The following DLG2 variants were observed in gnomAD, a reference collection of about 807,000 sequenced individuals.
DLG2 encodes discs large MAGUK scaffold protein 2.
DLG2 carries 45 observed loss-of-function variants against 132.5 expected under a neutral mutation model. That is an observed-to-expected ratio of 0.34 (90% confidence interval 0.27 to 0.44). The LOEUF is 0.44. Ranked by LOEUF, DLG2 falls within the 20% of genes least tolerant of loss-of-function variation. DLG2 has a pLI of 1.00. For synonymous variants in DLG2, 424 were observed against 419.6 expected (o/e 1.01, Z -0.13); for missense variants, 1,045 against 1,196.9 (o/e 0.87, Z 1.87).
rs938181691 is a variant in DLG2, at chr11:85,344,830, G to GT, written c.41-59466dup. On this transcript the variant is annotated intron_variant, in intron 3 of 27. Transcript: ENST00000376104. ...TGTTTTTCAATTCCTGCTTACTCTTGTTTTTTTTCAAACTTCATTACTTCA... is the reference window on the plus strand; with the variant it reads ...TGTTTTTCAATTCCTGCTTACTCTTGTTTTTTTTTCAAACTTCATTACTTCA... Among the ~76,000 whole-genome samples, 16 of 150,190 alleles carry GT rather than the reference G, an allele frequency of 1.1e-4. No individual in the cohort carries two copies. The East Asian group carries it at 1.6e-3, about 15-fold the overall frequency.
At chr11:83,675,781 T>C (rs777975440) in intron 18 of DLG2, among the ~76,000 whole-genome samples, 3 of 152,186 alleles carry the variant, frequency 2.0e-5, no homozygotes, top group Admixed American at 6.5e-5. Flanking sequence ...AGTTGAACAA[T>C]TACTTCATTA....
intron 6 of DLG2, among the ~76,000 whole-genome samples, chr11:84,714,531 TTCTCTTTCTCTTTCTCTTTCTC>T (rs1565747646): frequency 3.8e-5 from 4 of 105,114 alleles, no homozygotes; most frequent in Admixed American, 9.0e-5. Flanking sequence ...CATTTCCTCT[TTCTCTTTCTCTTTCTCTTTCTC>T]TCTCTTTCTC....
intron 10 of DLG2, among the ~76,000 whole-genome samples, chr11:84,075,640 C>T (rs1013607723): frequency 1.3e-5 from 2 of 152,126 alleles, no homozygotes; most frequent in African/African-American, 4.8e-5. Flanking sequence ...CTCTATGCAA[C>T]AGATAATGCT....
chr11:83,851,212 G>A (rs1313369859), intron 16 of DLG2, among the ~76,000 whole-genome samples: 1 of 151,626 alleles, frequency 6.6e-6, no homozygotes, highest in Non-Finnish European at 1.5e-5. Context: ...AGTCCTAACT[G>A]TCCCAATACC....
intron 6 of DLG2, among the ~76,000 whole-genome samples, chr11:84,812,980 T>C (rs910636998): frequency 1.3e-5 from 2 of 152,078 alleles, no homozygotes; most frequent in Admixed American, 6.6e-5. Context: ...TCCCTTGTCT[T>C]GTTGGTCTTT....
chr11:85,472,448 C>G (rs570219388), intron 3 of DLG2, among the ~76,000 whole-genome samples: 1 of 152,112 alleles, frequency 6.6e-6, no homozygotes, highest in Non-Finnish European at 1.5e-5. Context: ...ACTACAGGCA[C>G]ACCACCAAGC....
intron 9 of DLG2, among the ~76,000 whole-genome samples, chr11:84,126,854 A>G (rs1218834782): frequency 6.6e-6 from 1 of 152,206 alleles, no homozygotes; most frequent in Non-Finnish European, 1.5e-5. Flanking sequence ...ATGTCTGTCT[A>G]GTTAACTTTT....
rs537772805 is a variant in DLG2, at chr11:84,744,641, C to A, written c.358-209910G>T. On this transcript the variant is annotated intron_variant, in intron 6 of 27. Coordinates refer to ENST00000376104, the MANE Select transcript of DLG2 (RefSeq NM_001142699.3). ...AAAATGAAAAATGCAGAAGCAAAGT[C>A]AAATTCCCACCTGAGGTAATGTTTG... 2.0e-5 allele frequency among the ~76,000 whole-genome samples: 3 copies of A among 152,062 alleles called. No individual in the cohort carries two copies. In the East Asian group the frequency reaches 5.8e-4, roughly 29 times the overall value.
At chr11:83,568,839 AT>A (rs1405738149) in intron 19 of DLG2, among the ~76,000 whole-genome samples, 3 of 152,172 alleles carry the variant, frequency 2.0e-5, no homozygotes, top group African/African-American at 7.2e-5. Flanking sequence ...GTAAAATCGC[AT>A]TCACATCTGT....
At position 84,815,427 on chromosome 11, in the gene DLG2, C is replaced by T. The variant is rs1207571456; in HGVS notation, c.358-280696G>A. Among the ~76,000 whole-genome samples, 3 of 152,060 alleles carry T rather than the reference C, an allele frequency of 2.0e-5. No individual in the cohort carries two copies. The East Asian group carries it at 5.8e-4, about 29-fold the overall frequency. On this transcript the variant is annotated intron_variant, in intron 6 of 27. Coordinates refer to ENST00000376104, the MANE Select transcript of DLG2 (RefSeq NM_001142699.3). Reference sequence around the variant, plus strand: ...GCTTACATAATTACATGAAACGTTTCTGCTTCCATCACCAACCTGGGGAAT... The same window carrying T: ...GCTTACATAATTACATGAAACGTTTTTGCTTCCATCACCAACCTGGGGAAT...
At chr11:84,400,861 AG>A (rs1219108967) in intron 7 of DLG2, among the ~76,000 whole-genome samples, 2 of 152,158 alleles carry the variant, frequency 1.3e-5, no homozygotes, top group African/African-American at 4.8e-5. Flanking sequence ...TCAAGACTAT[AG>A]AATTCTCATT....
chr11:85,563,904 G>C (rs968254104), intron 3 of DLG2, among the ~76,000 whole-genome samples: 6 of 152,026 alleles, frequency 3.9e-5, no homozygotes, highest in African/African-American at 1.4e-4. Flanking sequence ...CTTTCAAAGT[G>C]GTTGTACCAT....
At chr11:85,123,338 A>G (rs1476497692) in intron 5 of DLG2, among the ~76,000 whole-genome samples, 2 of 152,136 alleles carry the variant, frequency 1.3e-5, no homozygotes, top group East Asian at 3.9e-4. Context: ...TAGGAGTGGA[A>G]AGATAGGAAA....
chr11:84,760,614 A>G (rs1001312037), intron 6 of DLG2, among the ~76,000 whole-genome samples: 1 of 152,180 alleles, frequency 6.6e-6, no homozygotes, highest in African/African-American at 2.4e-5. Flanking sequence ...CACCTTCATG[A>G]CTATACTTTT....
At chr11:83,496,780 G>A (rs1263365950) in intron 21 of DLG2, among the ~76,000 whole-genome samples, 2 of 152,226 alleles carry the variant, frequency 1.3e-5, no homozygotes, top group East Asian at 3.9e-4. Flanking sequence ...AGTTAGGAAG[G>A]ATGTCTAATC....
At chr11:85,207,028 T>C (rs1233415569) in intron 4 of DLG2, among the ~76,000 whole-genome samples, 1 of 152,166 alleles carries the variant, frequency 6.6e-6, no homozygotes, top group Admixed American at 6.5e-5. Flanking sequence ...GGACATTTCA[T>C]CAAACACATT....
intron 6 of DLG2, among the ~76,000 whole-genome samples, chr11:84,645,002 C>T (rs1565543882): frequency 6.6e-6 from 1 of 151,998 alleles, no homozygotes; most frequent in Non-Finnish European, 1.5e-5. Flanking sequence ...TTATCTGTAC[C>T]CCTGCAGAGT....
intron 8 of DLG2, among the ~76,000 whole-genome samples, chr11:84,211,922 T>C (rs1002087750): frequency 1.3e-5 from 2 of 152,208 alleles, no homozygotes; most frequent in African/African-American, 4.8e-5. Flanking sequence ...TATACTTCTA[T>C]TCTATATAAG....
In DLG2 at chr11:83,906,257, T is replaced by TCACA. The variant is rs540642615; in HGVS notation, c.1496+24067_1496+24070dup. ...GTCTCTCTCTCTCTCTCTCTCTCTC[T>TCACA]CACACACACACACACACACACACAC... On this transcript the variant is annotated intron_variant, in intron 15 of 27. Coordinates refer to ENST00000376104, the MANE Select transcript of DLG2 (RefSeq NM_001142699.3). Among the ~76,000 whole-genome samples, 320 of 66,876 alleles carry TCACA rather than the reference T, an allele frequency of 4.8e-3. 5 individuals are homozygous for TCACA. Among genetic ancestry groups the TCACA allele is most frequent in the Middle Eastern group, 0.017 (1 of 60 alleles). 43.9% of individuals were successfully genotyped at this position (66,876 alleles called of 152,430 possible).
Sources: gnomAD v4.1 joint callset for allele counts (sites outside exome capture counted in the v4.1 genomes callset) on GRCh38, gnomAD v4.1.1 for gene constraint, MANE v1.5 for transcripts, NCBI Gene and HGNC (gene_info 2026-07-23, HGNC 2026-07-21) for gene names.